Variants in ZDHHC21 observed in about 807,000 individuals in gnomAD.
The protein encoded by ZDHHC21 is zDHHC palmitoyltransferase 21, also known as palmitoyltransferase ZDHHC21.
Under a neutral mutation model 34.6 loss-of-function variants are expected in ZDHHC21, and 15 were observed. The ratio of observed to expected loss-of-function variants is 0.43; its 90% CI spans 0.29 to 0.67. ZDHHC21 has a LOEUF of 0.67. ZDHHC21 is among the 30% of genes least tolerant of loss of function. ZDHHC21 has a pLI of 0.14. For synonymous variants in ZDHHC21, 142 were observed against 101.8 expected (o/e 1.40, Z -2.38); for missense variants, 344 against 327.7 (o/e 1.05, Z -0.38).
At chr9:14,619,605 T>G in intron 9 of ZDHHC21, 34 bp downstream of exon 9, 2 of 1,357,518 alleles carry the variant, frequency 1.5e-6, no homozygotes. Flanking sequence ...TTTCCAATTT[T>G]AAATAATACT....
At position 14,662,243 on chromosome 9, in the gene ZDHHC21, C is replaced by T; in HGVS notation, c.337G>A (p.Val113Met). Reference sequence around the variant, plus strand: ...GGACAGTGATGATCCATTCTCCTCACACAGTGGCCGCAGCGGCTACAGTGA... The same window carrying T: ...GGACAGTGATGATCCATTCTCCTCATACAGTGGCCGCAGCGGCTACAGTGA... ...SHHCSRCGHC[V>M]RRMDHHCPWI... The change falls in exon 6 of 10, where the codon GTG becomes ATG. Residue 113 changes from valine to methionine, a missense_variant. Transcript: ENST00000380916. The T allele has an allele frequency of 6.2e-7, 1 of 1,612,756 alleles. No individual in the cohort carries two copies. Among genetic ancestry groups the T allele is most frequent in the Non-Finnish European group, 8.5e-7 (1 of 1,179,510 alleles).
At chr9:14,629,073 C>G (rs1458304720) in intron 8 of ZDHHC21, among the ~76,000 whole-genome samples, 1 of 152,134 alleles carries the variant, frequency 6.6e-6, no homozygotes, top group East Asian at 1.9e-4. Flanking sequence ...AGTAAAGTGA[C>G]TAAAGGTTAG....
chr9:14,640,503 G>C (rs1829174212), intron 7 of ZDHHC21, among the ~76,000 whole-genome samples: 1 of 152,074 alleles, frequency 6.6e-6, no homozygotes, highest in Non-Finnish European at 1.5e-5. Context: ...ACAAAATGAA[G>C]AGAAATCATA....
At chr9:14,647,680 ACCACG>A in intron 7 of ZDHHC21, among the ~76,000 whole-genome samples, 1 of 52,662 alleles carries the variant, frequency 1.9e-5, no homozygotes, top group East Asian at 3.6e-4. Flanking sequence ...TCAATTTACC[ACCACG>A]TTTCTTGACC....
chr9:14,635,460 G>A (rs548574483), intron 8 of ZDHHC21, among the ~76,000 whole-genome samples: 4 of 152,300 alleles, frequency 2.6e-5, no homozygotes, highest in African/African-American at 7.2e-5. Context: ...CCCATATGAG[G>A]AATCTGCATC....
the ZDHHC21 span, among the ~76,000 whole-genome samples, chr9:14,595,002 C>T: frequency 1.3e-5 from 2 of 151,970 alleles, no homozygotes; most frequent in Admixed American, 6.6e-5. Flanking sequence ...ACTTGGATGG[C>T]TATAATAAAA....
chr9:14,621,422 T>C (rs1027553202), intron 8 of ZDHHC21, among the ~76,000 whole-genome samples: 3 of 152,120 alleles, frequency 2.0e-5, no homozygotes, highest in African/African-American at 7.2e-5. Context: ...GATTTAGATT[T>C]CATACAGAAA....
At chr9:14,609,663 G>C (rs994046885), downstream of ZDHHC21, among the ~76,000 whole-genome samples, 4 of 152,018 alleles carry the variant, frequency 2.6e-5, no homozygotes, top group African/African-American at 4.8e-5. Flanking sequence ...GACAAGACCA[G>C]TGGTAATATT....
the ZDHHC21 span, among the ~76,000 whole-genome samples, chr9:14,596,328 A>G: frequency 6.6e-6 from 1 of 152,222 alleles, no homozygotes; most frequent in Non-Finnish European, 1.5e-5. Context: ...CAGTGGCAAC[A>G]TGAGGCTGCG....
chr9:14,599,316 G>A, the ZDHHC21 span, among the ~76,000 whole-genome samples: 1 of 152,142 alleles, frequency 6.6e-6, no homozygotes, highest in Non-Finnish European at 1.5e-5. Context: ...GCAGGGTGGG[G>A]CATTGCCTCA....
At chr9:14,634,423 C>T (rs1405505319) in intron 8 of ZDHHC21, among the ~76,000 whole-genome samples, 1 of 152,186 alleles carries the variant, frequency 6.6e-6, no homozygotes, top group African/African-American at 2.4e-5. Flanking sequence ...CTGCTAACAG[C>T]AGTGCCAATG....
At chr9:14,607,338 A>G (rs921403999), downstream of ZDHHC21, among the ~76,000 whole-genome samples, 5 of 152,156 alleles carry the variant, frequency 3.3e-5, no homozygotes, top group Non-Finnish European at 7.3e-5. Context: ...CAGGAGGTGG[A>G]GGCTGCAGTG....
In ZDHHC21 at chr9:14,652,478, T is replaced by G. The variant is rs185327531; in HGVS notation, c.504+6271A>C. ...CACATGGTAAAAACATATAAATCTT[T>G]GAACGTTCGTGATAAAAGAATATTT... On this transcript the variant is annotated intron_variant, in intron 7 of 9. Coordinates refer to ENST00000380916, the MANE Select transcript of ZDHHC21 (RefSeq NM_178566.6). Among the ~76,000 whole-genome samples, 22 of 152,102 alleles carry G rather than the reference T, an allele frequency of 1.4e-4. No homozygotes were observed. The East Asian group carries it at 3.5e-3, about 24-fold the overall frequency.
chr9:14,687,181 G>C (rs1838452684), intron 2 of ZDHHC21, among the ~76,000 whole-genome samples: 1 of 150,770 alleles, frequency 6.6e-6, no homozygotes, highest in Non-Finnish European at 1.5e-5. Flanking sequence ...AGTAACGTTA[G>C]TAGGTTATAG....
At chr9:14,602,822 C>G in the ZDHHC21 span, among the ~76,000 whole-genome samples, 1 of 149,234 alleles carries the variant, frequency 6.7e-6, no homozygotes, top group Non-Finnish European at 1.5e-5. Context: ...ACTCGGGAGG[C>G]TGAGGCAGAA....
chr9:14,633,059 T>C (rs966108190), intron 8 of ZDHHC21, among the ~76,000 whole-genome samples: 1 of 152,168 alleles, frequency 6.6e-6, no homozygotes, highest in Non-Finnish European at 1.5e-5. Flanking sequence ...TCCACTTCTA[T>C]ATACCCCAAA....
intron 7 of ZDHHC21, among the ~76,000 whole-genome samples, chr9:14,644,417 G>A (rs1809297961): frequency 1.3e-5 from 2 of 151,994 alleles, no homozygotes; most frequent in South Asian, 4.1e-4. Flanking sequence ...TAATAATGGT[G>A]ATAGTGGGGG....
chr9:14,673,377 T>G (rs1405923064), intron 4 of ZDHHC21, among the ~76,000 whole-genome samples: 2 of 152,192 alleles, frequency 1.3e-5, no homozygotes, highest in South Asian at 4.2e-4. Flanking sequence ...TTTTGATGGA[T>G]CTTAAAATGA....
intron 7 of ZDHHC21, among the ~76,000 whole-genome samples, chr9:14,655,337 T>G (rs1013394864): frequency 6.6e-6 from 1 of 151,928 alleles, no homozygotes; most frequent in East Asian, 1.9e-4. Flanking sequence ...TCCAAGAGAC[T>G]TGCACTAAAA....
Sources: gnomAD v4.1 joint callset for allele counts (sites outside exome capture counted in the v4.1 genomes callset) on GRCh38, gnomAD v4.1.1 for gene constraint, MANE v1.5 for transcripts, NCBI Gene and HGNC (gene_info 2026-07-23, HGNC 2026-07-21) for gene names.